The following SLC12A4 variants were observed in gnomAD, a reference collection of about 807,000 sequenced individuals.
SLC12A4 encodes the protein solute carrier family 12 member 4, also known as electroneutral potassium-chloride cotransporter 1.
SLC12A4 carries 84 observed loss-of-function variants against 119.2 expected under a neutral mutation model. The ratio of observed to expected loss-of-function variants is 0.70; its 90% CI spans 0.59 to 0.85. SLC12A4 has a LOEUF of 0.85. Among genes scored for constraint, SLC12A4 ranks in the 40% least tolerant of loss-of-function variants. The pLI is 0.00. For missense variants in SLC12A4, 1,298 were observed against 1,476.3 expected (o/e 0.88, Z 1.98); for synonymous variants, 599 against 604.6 (o/e 0.99, Z 0.14).
At position 67,944,734 on chromosome 16, in the gene SLC12A4, C is replaced by T; in HGVS notation, c.*106G>A. On this transcript the variant is annotated 3_prime_UTR_variant, in exon 24 of 24. Transcript: ENST00000316341. This position sits in a 1 kb window ranked among gnomAD's most constrained non-coding sequence, Gnocchi z 6.6. ...AAGCTGGGTCCAGGACAGGGCCAGGCAAGCAGGGCTGGCAGGTGGGTGCTG... is the reference window on the plus strand; with the variant it reads ...AAGCTGGGTCCAGGACAGGGCCAGGTAAGCAGGGCTGGCAGGTGGGTGCTG... 1 of 1,496,410 alleles carries T rather than the reference C, an allele frequency of 6.7e-7. No individual in the cohort carries two copies. Among genetic ancestry groups the T allele is most frequent in the Admixed American group, 2.1e-5 (1 of 47,718 alleles). 92.7% of individuals were successfully genotyped at this position (1,496,410 alleles called of 1,614,324 possible). A position where few individuals can be genotyped will look rare whatever the true frequency, so the allele number is the denominator to read the frequency against.
rs151085817 is a variant in SLC12A4 at position 67,951,432 on chromosome 16, G to A, written c.1133-128C>T. ...AGGGAACAGCTTCAGCCCAATGACT[G>A]CAGCGTCAGCCACAGGGCTACCCTG... is the stretch of plus-strand genomic sequence containing the variant. On this transcript the variant is annotated intron_variant, in intron 8 of 23. Transcript: ENST00000316341. This position sits in a 1 kb window ranked among gnomAD's most constrained non-coding sequence, Gnocchi z 5.2. 2.2e-4 allele frequency: 221 copies of A among 1,024,166 alleles called. 1 individual carries two copies. The African/African-American group carries it at 3.2e-3, about 15-fold the overall frequency. The allele number at this position is 1,024,166 out of a possible 1,614,324, so 63.4% of individuals were successfully genotyped here.
At position 67,951,888 on chromosome 16, in the gene SLC12A4, T is replaced by G; in HGVS notation, c.1067A>C (p.Tyr356Ser). The G allele has an allele frequency of 6.2e-7, 1 of 1,613,704 alleles. No homozygotes were observed. Among genetic ancestry groups the G allele is most frequent in the African/African-American group, 1.3e-5 (1 of 74,982 alleles). The change falls in exon 8 of 24, where the codon TAC becomes TCC. Residue 356 changes from tyrosine (Y) to serine (S), a missense_variant. Transcript: ENST00000316341. The surrounding 1 kb of genome is among the most constrained non-coding windows in gnomAD (Gnocchi z 5.2). ...CTCGGTCACATTGTTGAGCATGAAGTAGGGGTCACAGGAGTCGGTCGTAAG... is the reference window on the plus strand; with the variant it reads ...CTCGGTCACATTGTTGAGCATGAAGGAGGGGTCACAGGAGTCGGTCGTAAG... ...PNLTTDSCDP[Y>S]FMLNNVTEIP...
Position 67,944,678 on chromosome 16 carries a change from G to T in SLC12A4, c.*162C>A. The T allele has an allele frequency of 3.5e-6, 5 of 1,430,736 alleles. No homozygotes were observed. The highest frequency in any genetic ancestry group is 4.6e-6 in the Non-Finnish European group (5 of 1,096,214). 88.6% of individuals were successfully genotyped at this position (1,430,736 alleles called of 1,614,324 possible). A position where few individuals can be genotyped will look rare whatever the true frequency, so the allele number is the denominator to read the frequency against. The stretch of plus-strand genomic sequence containing the variant: ...ACCTGGGATCCATCTCCATTTTGAG[G>T]CCCAGGCCTGGTTTCCAAGGAGACC... On this transcript the variant is annotated 3_prime_UTR_variant, in exon 24 of 24. Transcript: ENST00000316341. This position sits in a 1 kb window ranked among gnomAD's most constrained non-coding sequence, Gnocchi z 6.6.
chr16:67,958,929 G>A (rs1045658522), intron 3 of SLC12A4, among the ~76,000 whole-genome samples: 2 of 152,054 alleles, frequency 1.3e-5, no homozygotes, highest in South Asian at 2.1e-4. Context: ...TATCACAGTG[G>A]TCACTACAGG....
chr16:67,951,017 G>A lies in SLC12A4; in HGVS notation c.1341C>T (p.Ala447=), dbSNP rs149324065. The change falls in exon 10 of 24, where the codon GCC becomes GCT. Residue 447 remains alanine, a synonymous_variant. Transcript: ENST00000316341. The surrounding 1 kb of genome is among the most constrained non-coding windows in gnomAD (Gnocchi z 5.2). ...TGGTCCCCACAGGGATAGACTTCTG[G>A]GCGTCACGAAGGTCCCCAGAGCGGT... ...GSNRSGDLRD[A]QKSIPVGTIL... is the part of the protein sequence containing the mutation. 2.1e-4 allele frequency: 332 copies of A among 1,613,918 alleles called. 2 individuals are homozygous for A. In the African/African-American group the frequency reaches 3.8e-3, roughly 18 times the overall value.
chr16:67,951,595 G>T lies in SLC12A4; in HGVS notation c.1132+228C>A. 1.6e-6 allele frequency: 1 copy of T among 610,686 alleles called. No homozygotes were observed. The highest frequency in any genetic ancestry group is 2.9e-6 in the Non-Finnish European group (1 of 347,188). The allele number at this position is 610,686 out of a possible 1,614,324, so 37.8% of individuals were successfully genotyped here. ...GGAACATCCCCAGGCAGTGTCAGGG[G>T]CTGGTGGCTGGGGAAGACAGGCTGC... On this transcript the variant is annotated intron_variant, in intron 8 of 23. Coordinates refer to ENST00000316341, the MANE Select transcript of SLC12A4 (RefSeq NM_005072.5). The surrounding 1 kb of genome is among the most constrained non-coding windows in gnomAD (Gnocchi z 5.2).
At position 67,966,607 on chromosome 16, in the gene SLC12A4, G is replaced by A. The variant is rs1169565717; in HGVS notation, c.115+1832C>T. 3.4e-5 allele frequency: 34 copies of A among 999,132 alleles called. No individual in the cohort carries two copies. In the Admixed American group the frequency reaches 9.0e-4, roughly 27 times the overall value. 61.9% of individuals were successfully genotyped at this position (999,132 alleles called of 1,614,324 possible). On this transcript the variant is annotated intron_variant, in intron 1 of 23. Coordinates refer to ENST00000316341, the MANE Select transcript of SLC12A4 (RefSeq NM_005072.5). ...CTACCCCCTGCCCACAGGCCAAGGT[G>A]GGCTGGATGAGCAAGCCCATCTAGG...
In SLC12A4 at chr16:67,961,635, CTGGG is replaced by C. The variant is rs1300990748; in HGVS notation, c.278_281del (p.Thr93ArgfsTer48). 1 of 1,614,206 alleles carries C rather than the reference CTGGG, an allele frequency of 6.2e-7. No individual in the cohort carries two copies. Among genetic ancestry groups the C allele is most frequent in the African/African-American group, 1.3e-5 (1 of 75,088 alleles). On this transcript the variant is annotated frameshift_variant, in exon 3 of 24. Coordinates refer to ENST00000316341, the MANE Select transcript of SLC12A4 (RefSeq NM_005072.5). LOFTEE classifies it high-confidence loss of function. Reference sequence around the variant, plus strand: ...CGGCCTCCTCATGCTCTTTGGCGCCCTGGGTGAGGTTGGTGTAGCTGACGAGCTT... The same window carrying C: ...CGGCCTCCTCATGCTCTTTGGCGCCCTGAGGTTGGTGTAGCTGACGAGCTT...
chr16:67,968,601 T>A lies in SLC12A4; in HGVS notation c.-48A>T, dbSNP rs766070988. Reference sequence around the variant, plus strand: ...ACCCGCCGTCCCAGCCGCCCGCCGCTGTCCCCGCCGCTGTCCCCGCCGCCC... The same window carrying A: ...ACCCGCCGTCCCAGCCGCCCGCCGCAGTCCCCGCCGCTGTCCCCGCCGCCC... On this transcript the variant is annotated 5_prime_UTR_variant, in exon 1 of 24. Coordinates refer to ENST00000316341, the MANE Select transcript of SLC12A4 (RefSeq NM_005072.5). 97 of 1,378,914 alleles carry A rather than the reference T, an allele frequency of 7.0e-5. No individual in the cohort carries two copies. The Middle Eastern group carries it at 1.7e-3, about 25-fold the overall frequency. 85.4% of individuals were successfully genotyped at this position (1,378,914 alleles called of 1,614,324 possible). A position where few individuals can be genotyped will look rare whatever the true frequency, so the allele number is the denominator to read the frequency against.
rs1300524391 is a variant in SLC12A4 at position 67,950,673 on chromosome 16, C to A, written c.1435G>T (p.Gly479Cys). Residue 479 changes from glycine to cysteine, a missense_variant, in exon 11 of 24, where the codon GGT (glycine) becomes TGT (cysteine). Gly to Cys is a radical substitution (Grantham distance 159). Transcript: ENST00000316341. This position sits in a 1 kb window ranked among gnomAD's most constrained non-coding sequence, Gnocchi z 4.3. ...SVVLFGACIEGVVLRDKYGDG... is the reference protein window; with the variant it reads ...SVVLFGACIECVVLRDKYGDG... ...ACTCACTTGTCCCGGAGAACCACAC[C>A]CTCAATGCAGGCACCAAAGAGAACC... 1.2e-6 allele frequency: 2 copies of A among 1,612,438 alleles called. No individual in the cohort carries two copies. Among genetic ancestry groups the A allele is most frequent in the East Asian group, 4.5e-5 (2 of 44,752 alleles).
Position 67,952,387 on chromosome 16 carries a change from C to T in SLC12A4, c.714G>A (p.Ser238=). 6 of 1,614,024 alleles carry T rather than the reference C, an allele frequency of 3.7e-6. No individual in the cohort carries two copies. Among genetic ancestry groups the T allele is most frequent in the South Asian group, 1.1e-5 (1 of 91,078 alleles). Residue 238 remains serine, a synonymous_variant, in exon 7 of 24, where the codon TCG becomes TCA. Transcript: ENST00000316341. ...TGGCATTCGACGTGTCATGAGCACC[C>T]GATGGGTAAAAAATGGCAGCTGGTG... ...IAPPAAIFYP[S]GAHDTSNATL...
In SLC12A4 at chr16:67,954,660, C is replaced by G. The variant is rs1157648819; in HGVS notation, c.658G>C (p.Ala220Pro). 1 of 1,614,058 alleles carries G rather than the reference C, an allele frequency of 6.2e-7. No homozygotes were observed. Among genetic ancestry groups the G allele is most frequent in the South Asian group, 1.1e-5 (1 of 91,090 alleles). ...TFAAAMYILG[A>P]IEILLTYIAP... is the part of the protein sequence containing the mutation. ...TGACTCACCAGCAAGATCTCGATGG[C>G]CCCCAGGATGTACATGGCTGCTGCG... is the stretch of plus-strand genomic sequence containing the variant. The change falls in exon 6 of 24, where the codon GCC becomes CCC. Residue 220 changes from alanine (A) to proline (P), a missense_variant. Physicochemically the swap from Ala to Pro is conservative, Grantham distance 27. Coordinates refer to ENST00000316341, the MANE Select transcript of SLC12A4 (RefSeq NM_005072.5).
In SLC12A4 at chr16:67,957,938, A is replaced by C. The variant is rs1250752098; in HGVS notation, c.449T>G (p.Val150Gly). ...AAGCACGATGAGGAGGGCCTGTAGCACACCTGCTGTGCCCACCATCCAGGT... is the reference window on the plus strand; with the variant it reads ...AAGCACGATGAGGAGGGCCTGTAGCCCACCTGCTGTGCCCACCATCCAGGT... ...RLTWMVGTAG[V>G]LQALLIVLIC... The change falls in exon 4 of 24, where the codon GTG becomes GGG. Residue 150 changes from valine to glycine, a missense_variant. Coordinates refer to ENST00000316341, the MANE Select transcript of SLC12A4 (RefSeq NM_005072.5). The C allele has an allele frequency of 6.2e-7, 1 of 1,614,084 alleles. No homozygotes were observed. Among genetic ancestry groups the C allele is most frequent in the African/African-American group, 1.3e-5 (1 of 74,938 alleles).
At chr16:67,960,625 C>G (rs939579726) in intron 3 of SLC12A4, among the ~76,000 whole-genome samples, 3 of 151,258 alleles carry the variant, frequency 2.0e-5, no homozygotes, top group African/African-American at 7.3e-5. Context: ...CAGTGCCAGA[C>G]GTCAGCTCCT....
chr16:67,966,913 G>T, intron 1 of SLC12A4: 1 of 1,465,216 alleles, frequency 6.8e-7, no homozygotes, highest in Non-Finnish European at 9.1e-7. Flanking sequence ...CAGTCACCCT[G>T]TAGGGGCCAA....
intron 1 of SLC12A4, among the ~76,000 whole-genome samples, chr16:67,967,477 T>C (rs2030915977): frequency 6.6e-6 from 1 of 152,172 alleles, no homozygotes; most frequent in Admixed American, 6.5e-5. Context: ...AGCTACACAC[T>C]TGTACAAGCA....
intron 5 of SLC12A4, chr16:67,957,513 CTTTT>C (rs1190657701): frequency 1.1e-5 from 6 of 562,934 alleles, no homozygotes; most frequent in South Asian, 4.4e-5. Flanking sequence ...ATACATTGCC[CTTTT>C]TTTTTCTTTT....
Position 67,947,384 on chromosome 16 carries a change from G to A in SLC12A4, c.2019C>T (p.Ala673=), listed in dbSNP as rs779665863. Residue 673 remains alanine (A), a synonymous_variant, in exon 16 of 24, where the codon GCC becomes GCT. Transcript: ENST00000316341. Reference sequence around the variant, plus strand: ...CCTCCAGCCGCAACAGCGCGTAGCGGGCAGCGCTCAGGGACAGGCCTCGGA... The same window carrying A: ...CCTCCAGCCGCAACAGCGCGTAGCGAGCAGCGCTCAGGGACAGGCCTCGGA... ...DGIRGLSLSA[A]RYALLRLEEG... 1.2e-6 allele frequency: 2 copies of A among 1,612,792 alleles called. No homozygotes were observed. The highest frequency in any genetic ancestry group is 2.7e-5 in the African/African-American group (2 of 74,928).
In SLC12A4 at chr16:67,947,119, G is replaced by C. The variant is rs1474962298; in HGVS notation, c.2073-14C>G. ...AGCAGCTGCGGCCTGCAGTGGCCGGGTGGGGGGAGCCTGAGACCAGGGCCG... is the reference window on the plus strand; with the variant it reads ...AGCAGCTGCGGCCTGCAGTGGCCGGCTGGGGGGAGCCTGAGACCAGGGCCG... On this transcript the variant is annotated splice_polypyrimidine_tract_variant and intron_variant, in intron 16 of 23. Coordinates refer to ENST00000316341, the MANE Select transcript of SLC12A4 (RefSeq NM_005072.5). 3 of 1,571,676 alleles carry C rather than the reference G, an allele frequency of 1.9e-6. No homozygotes were observed. Among genetic ancestry groups the C allele is most frequent in the Non-Finnish European group, 2.6e-6 (3 of 1,162,804 alleles).
Sources: allele counts gnomAD v4.1 joint callset (sites outside exome capture counted in the v4.1 genomes callset), GRCh38; gene constraint gnomAD v4.1.1; non-coding constraint Gnocchi (gnomAD v3.1); transcripts MANE v1.5; gene names NCBI Gene and HGNC (gene_info 2026-07-23, HGNC 2026-07-21).